TCEANC2: variants seen among roughly 807,000 people sequenced by gnomAD.
TCEANC2 encodes transcription elongation factor A N-terminal and central domain containing 2.
A neutral mutation model predicts 22.8 loss-of-function variants in TCEANC2; 20 were observed. The observed-to-expected ratio is 0.88, with a 90% confidence interval of 0.62 to 1.28. The LOEUF is 1.28. Among genes scored for constraint, TCEANC2 ranks in the 50% most tolerant of loss-of-function variants. TCEANC2 has a pLI of 0.00. For synonymous variants in TCEANC2, 84 were observed against 95.5 expected, an observed-to-expected ratio of 0.88 and a Z score of 0.70; for missense variants, 251 against 249.7, an observed-to-expected ratio of 1.01 and a Z score of -0.03.
exon 5 of TCEANC2, chr1:54,111,386 C>T (rs1157168845): frequency 2.0e-5 from 3 of 152,248 alleles, no homozygotes; most frequent in African/African-American, 4.8e-5. Context: ...GTGTTAGTTA[C>T]ATTCAGATTT....
At chr1:54,082,490 C>T (rs1570013200) in intron 3 of TCEANC2, among the ~76,000 whole-genome samples, 1 of 152,164 alleles carries the variant, frequency 6.6e-6, no homozygotes, top group Non-Finnish European at 1.5e-5. Flanking sequence ...TGCTGGGGGG[C>T]TGGGAATAGA....
chr1:54,112,070 C>A (rs1228026883), exon 5 of TCEANC2: 1 of 152,164 alleles, frequency 6.6e-6, no homozygotes, highest in Non-Finnish European at 1.5e-5. Flanking sequence ...GTGGGTTGGG[C>A]TCACTGGCTC....
Position 54,058,648 on chromosome 1 carries a change from GTTCT to G in TCEANC2, c.102+4127_102+4130del, listed in dbSNP as rs201955821. ...TTCCAGCCACACCTTATTTCTTGCT[GTTCT>G]TTGTTTGTTTGCTTGTTTGTTTGAC... is the stretch of plus-strand genomic sequence containing the variant. On this transcript the variant is annotated intron_variant, in intron 2 of 4. Transcript: ENST00000234827. Among the ~76,000 whole-genome samples the G allele has an allele frequency of 5.9e-3, 895 of 152,208 alleles. 7 individuals are homozygous for G. The highest frequency in any genetic ancestry group is 0.02 in the African/African-American group (838 of 41,530).
chr1:54,088,864 T>C (rs2100381569), intron 4 of TCEANC2, 74 bp downstream of exon 4: 1 of 1,168,638 alleles, frequency 8.6e-7, no homozygotes, highest in Admixed American at 3.0e-5. Context: ...ATAAAGGTAA[T>C]GTCCTGGTCG....
At chr1:54,081,649 G>T (rs1357678635) in intron 3 of TCEANC2, among the ~76,000 whole-genome samples, 1 of 151,244 alleles carries the variant, frequency 6.6e-6, no homozygotes, top group Non-Finnish European at 1.5e-5. Flanking sequence ...TCTCTTTCTT[G>T]CCCCAGACTG....
chr1:54,096,650 T>C lies in TCEANC2; in HGVS notation c.*177T>C, dbSNP rs766575396. 5.3e-6 allele frequency: 7 copies of C among 1,315,472 alleles called. No individual in the cohort carries two copies. Among genetic ancestry groups the C allele is most frequent in the Non-Finnish European group, 5.9e-6 (6 of 1,013,610 alleles). The allele number at this position is 1,315,472 out of a possible 1,614,324, so 81.5% of individuals were successfully genotyped here. ...GCCCTAGGAGACAGGCCTGCAGGAA[T>C]GTGCTTCATTAGCTGCAGTGCGCTG... On this transcript the variant is annotated 3_prime_UTR_variant, in exon 5 of 5. Transcript: ENST00000234827. This position sits in a 1 kb window ranked among gnomAD's most constrained non-coding sequence, Gnocchi z 4.9.
intron 4 of TCEANC2, chr1:54,090,168 T>C: frequency 2.9e-6 from 1 of 346,624 alleles, no homozygotes; most frequent in Non-Finnish European, 5.6e-6. Flanking sequence ...TAAAGCACTG[T>C]GTACCCATTA....
chr1:54,097,089 C>A lies in TCEANC2; in HGVS notation c.*616C>A. The A allele has an allele frequency of 5.0e-6, 3 of 597,672 alleles. No homozygotes were observed. Among genetic ancestry groups the A allele is most frequent in the Non-Finnish European group, 6.3e-6 (3 of 475,220 alleles). 37.0% of individuals were successfully genotyped at this position (597,672 alleles called of 1,614,324 possible). On this transcript the variant is annotated 3_prime_UTR_variant, in exon 5 of 5. Transcript: ENST00000234827. ...GCTGAGGCTACTAATGAGGAACTGG[C>A]CCGAAGCCTCCCACACCTCAGGGTT...
intron 2 of TCEANC2, 143 bp downstream of exon 2, chr1:54,054,667 C>T: frequency 1.2e-6 from 1 of 804,924 alleles, no homozygotes; most frequent in Non-Finnish European, 1.9e-6. Flanking sequence ...TCCTTTGTTT[C>T]GCCCATAGCT....
chr1:54,062,575 G>T (rs535493203), intron 2 of TCEANC2, among the ~76,000 whole-genome samples: 68 of 152,202 alleles, frequency 4.5e-4, no homozygotes, highest in Non-Finnish European at 8.2e-4. Flanking sequence ...CAGCCTTGTC[G>T]ATGGTAAGTA....
intron 4 of TCEANC2, chr1:54,089,828 T>G (rs1658408783): frequency 2.3e-6 from 1 of 428,670 alleles, no homozygotes; most frequent in East Asian, 4.0e-5. Flanking sequence ...AGCAGCTGCA[T>G]TGCCACAGTT....
At chr1:54,057,095 G>A (rs1379753253) in intron 2 of TCEANC2, among the ~76,000 whole-genome samples, 3 of 151,382 alleles carry the variant, frequency 2.0e-5, no homozygotes, top group Non-Finnish European at 2.9e-5. Flanking sequence ...CCCCTTAAAT[G>A]CATTAGCTTT....
intron 4 of TCEANC2, among the ~76,000 whole-genome samples, chr1:54,092,571 A>T (rs1047324433): frequency 1.3e-5 from 2 of 152,250 alleles, no homozygotes; most frequent in African/African-American, 4.8e-5. Flanking sequence ...TTGAACATTT[A>T]CTATGTGCCA....
intron 3 of TCEANC2, among the ~76,000 whole-genome samples, chr1:54,078,744 A>G (rs1322153660): frequency 6.6e-6 from 1 of 152,180 alleles, no homozygotes; most frequent in Non-Finnish European, 1.5e-5. Flanking sequence ...TTCTCTAAGT[A>G]AAAGGAAAGA....
At chr1:54,076,039 AAAG>A (rs533347823) in intron 3 of TCEANC2, among the ~76,000 whole-genome samples, 25 of 152,022 alleles carry the variant, frequency 1.6e-4, no homozygotes, top group South Asian at 8.3e-4. Flanking sequence ...AAAAAAAAAA[AAAG>A]AAGAAGAAGA....
At chr1:54,076,217 C>G (rs150301135) in intron 3 of TCEANC2, among the ~76,000 whole-genome samples, 25 of 152,064 alleles carry the variant, frequency 1.6e-4, no homozygotes, top group Non-Finnish European at 3.1e-4. Flanking sequence ...ACCTAGTACC[C>G]AATAGTTGTG....
chr1:54,077,492 T>C (rs935506426), intron 3 of TCEANC2, among the ~76,000 whole-genome samples: 1 of 152,172 alleles, frequency 6.6e-6, no homozygotes, highest in African/African-American at 2.4e-5. Context: ...TCCCAGACTG[T>C]GAATTTGAGA....
chr1:54,096,375 G>T lies in TCEANC2; in HGVS notation c.529G>T (p.Ala177Ser). ...INGPYRRTVR[A>S]LVFTLKHRAE... ...TGGGCCGTACCGGCGGACGGTGAGAGCCCTGGTCTTCACATTAAAGCACCG... is the reference window on the plus strand; with the variant it reads ...TGGGCCGTACCGGCGGACGGTGAGATCCCTGGTCTTCACATTAAAGCACCG... The change falls in exon 5 of 5, where the codon GCC becomes TCC. Residue 177 changes from alanine to serine, a missense_variant. Ala to Ser is a moderately conservative substitution (Grantham distance 99, BLOSUM62 1). Coordinates refer to ENST00000234827, the MANE Select transcript of TCEANC2 (RefSeq NM_153035.3). This position sits in a 1 kb window ranked among gnomAD's most constrained non-coding sequence, Gnocchi z 4.9. 7 of 1,613,632 alleles carry T rather than the reference G, an allele frequency of 4.3e-6. No individual in the cohort carries two copies. The highest frequency in any genetic ancestry group is 5.9e-6 in the Non-Finnish European group (7 of 1,179,486).
Position 54,097,873 on chromosome 1 carries a change from C to T in TCEANC2, c.*1400C>T, listed in dbSNP as rs894481634. 7 of 152,064 alleles carry T rather than the reference C, an allele frequency of 4.6e-5. No individual in the cohort carries two copies. Among genetic ancestry groups the T allele is most frequent in the South Asian group, 2.1e-4 (1 of 4,822 alleles). The allele number at this position is 152,064 out of a possible 1,614,324, so 9.4% of individuals were successfully genotyped here. On this transcript the variant is annotated 3_prime_UTR_variant, in exon 5 of 5. Coordinates refer to ENST00000234827, the MANE Select transcript of TCEANC2 (RefSeq NM_153035.3). ...TGGAGCTAGAATAATAATAATCGAG[C>T]GTTTACCCTGGGCCCAGCACTGTGG...
Sources: allele counts gnomAD v4.1 joint callset (sites outside exome capture counted in the v4.1 genomes callset), GRCh38; gene constraint gnomAD v4.1.1; non-coding constraint Gnocchi (gnomAD v3.1); transcripts MANE v1.5; gene names NCBI Gene and HGNC (gene_info 2026-07-23, HGNC 2026-07-21).